The following MYO6 variants were observed in gnomAD, a reference collection of about 807,000 sequenced individuals.
MYO6 encodes myosin VI.
MYO6 carries 74 observed loss-of-function variants against 178.7 expected under a neutral mutation model. The observed-to-expected ratio is 0.41, with a 90% confidence interval of 0.34 to 0.50. The LOEUF (loss-of-function observed/expected upper bound fraction) is 0.50, where lower values mean the gene tolerates loss of function less well. Among genes scored for constraint, MYO6 ranks in the 20% least tolerant of loss-of-function variants. The probability of loss-of-function intolerance (pLI) is 0.09; values close to 1 mark genes in which losing one functional copy is unlikely to be tolerated. For synonymous variants in MYO6, 477 were observed against 504.6 expected (o/e 0.95, Z 0.73); for missense variants, 1,330 against 1,547.4 (o/e 0.86, Z 2.36).
intron 6 of MYO6, among the ~76,000 whole-genome samples, chr6:75,833,545 A>G (rs1304990210): frequency 6.6e-6 from 1 of 152,212 alleles, no homozygotes; most frequent in Admixed American, 6.5e-5. Context: ...TTCTCATGTA[A>G]GTGAAATTAC....
In MYO6 at chr6:75,892,613, G is replaced by A. The variant is rs764541449; in HGVS notation, c.3030G>A (p.Arg1010=). ...TTCTGGAGCAGGAGCGCAGGGACCG[G>A]GAGCTGGCCCTGAGGATTGCCCAGA... The part of the protein sequence containing the change: ...QAVLEQERRD[R]ELALRIAQSE... Residue 1010 remains arginine (R), a synonymous_variant, in exon 28 of 35, where the codon CGG becomes CGA. Coordinates refer to ENST00000369977, the MANE Select transcript of MYO6 (RefSeq NM_004999.4). 6 of 1,613,426 alleles carry A rather than the reference G, an allele frequency of 3.7e-6. No homozygotes were observed. The highest frequency in any genetic ancestry group is 5.1e-6 in the Non-Finnish European group (6 of 1,180,020).
At chr6:75,874,354 T>A (rs1344556583) in intron 20 of MYO6, among the ~76,000 whole-genome samples, 5 of 152,214 alleles carry the variant, frequency 3.3e-5, no homozygotes, top group African/African-American at 1.2e-4. Flanking sequence ...CGTCATTATC[T>A]TTAAAGGGCT....
intron 1 of MYO6, among the ~76,000 whole-genome samples, chr6:75,758,459 T>G (rs1453911700): frequency 6.6e-6 from 1 of 151,896 alleles, no homozygotes; most frequent in Non-Finnish European, 1.5e-5. Flanking sequence ...TGTTTCAGCT[T>G]TTTGTTTGTT....
At chr6:75,902,975 T>C (rs913356867) in intron 30 of MYO6, among the ~76,000 whole-genome samples, 2 of 151,584 alleles carry the variant, frequency 1.3e-5, no homozygotes, top group African/African-American at 2.4e-5. Context: ...GCCTTCATTT[T>C]GTTATGTACC....
At chr6:75,857,808 C>A (rs1775852678) in intron 13 of MYO6, among the ~76,000 whole-genome samples, 1 of 152,144 alleles carries the variant, frequency 6.6e-6, no homozygotes, top group Admixed American at 6.5e-5. Context: ...TGAAATGGGT[C>A]ACCAGCATGT....
At chr6:75,880,668 A>T (rs1777937953) in intron 22 of MYO6, among the ~76,000 whole-genome samples, 1 of 152,178 alleles carries the variant, frequency 6.6e-6, no homozygotes, top group East Asian at 1.9e-4. Context: ...TTCTTGTTTA[A>T]ACTCCTGAAA....
Position 75,872,060 on chromosome 6 carries a change from C to T in MYO6, c.1984-1147C>T, listed in dbSNP as rs142877422. On this transcript the variant is annotated intron_variant, in intron 19 of 34. Transcript: ENST00000369977. ...AGAAGAATCACTTGAACCCAGGAGG[C>T]GGAGGTTGCAGTGAGCCAAGATCAC... Among the ~76,000 whole-genome samples, 1,120 of 151,960 alleles carry T rather than the reference C, an allele frequency of 7.4e-3. 20 individuals are homozygous for T. Among genetic ancestry groups the T allele is most frequent in the African/African-American group, 0.026 (1,072 of 41,428 alleles).
At chr6:75,835,168 T>G (rs532971350) in intron 6 of MYO6, among the ~76,000 whole-genome samples, 1 of 152,328 alleles carries the variant, frequency 6.6e-6, no homozygotes, top group South Asian at 2.1e-4. Context: ...CACAAAAGGC[T>G]TTGACATCTC....
Position 75,848,386 on chromosome 6 carries a change from A to G in MYO6, c.933A>G (p.Leu311=), listed in dbSNP as rs140213501. ...CAGGTTCTATGAAAGATCCTCTGCT[A>G]GATGACCATGGTGATTTTATTAGAA... ...LKAGSMKDPL[L]DDHGDFIRMC... The change falls in exon 11 of 35, where the codon CTA becomes CTG. Residue 311 remains leucine (L), a synonymous_variant. Transcript: ENST00000369977. The G allele has an allele frequency of 8.7e-6, 14 of 1,613,820 alleles. No homozygotes were observed. The East Asian group carries it at 1.3e-4, about 15-fold the overall frequency.
chr6:75,855,215 T>A lies in MYO6; in HGVS notation c.1155T>A (p.Asp385Glu). 1 of 1,613,694 alleles carries A rather than the reference T, an allele frequency of 6.2e-7. No homozygotes were observed. Among genetic ancestry groups the A allele is most frequent in the Non-Finnish European group, 8.5e-7 (1 of 1,179,718 alleles). ...CAELLGLDQD[D>E]LRVSLTTRVM... ...AATTACTGGGTTTGGACCAAGATGA[T>A]CTTCGAGTAAGTTTGACCACAAGAG... The change falls in exon 12 of 35, where the codon GAT becomes GAA. Residue 385 changes from aspartate (D) to glutamate (E), a missense_variant. Transcript: ENST00000369977.
At chr6:75,870,079 A>ACT (rs1777016304) in intron 18 of MYO6, among the ~76,000 whole-genome samples, 1 of 151,786 alleles carries the variant, frequency 6.6e-6, no homozygotes, top group African/African-American at 2.4e-5. Context: ...ATGCCACTGC[A>ACT]CTCTAGCCTG....
chr6:75,840,578 T>A lies in MYO6; in HGVS notation c.554-7T>A, dbSNP rs752935397. 6.2e-7 allele frequency: 1 copy of A among 1,608,960 alleles called. No homozygotes were observed. The highest frequency in any genetic ancestry group is 2.2e-5 in the East Asian group (1 of 44,832). On this transcript the variant is annotated splice_region_variant and splice_polypyrimidine_tract_variant and intron_variant, in intron 7 of 34. Coordinates refer to ENST00000369977, the MANE Select transcript of MYO6 (RefSeq NM_004999.4). ...ATTTTTTGATGGATTTTTTTGTTTC[T>A]CAATAGCTAACCCACTCCTAGAAGC...
chr6:75,792,657 G>A (rs1326648841), intron 1 of MYO6, among the ~76,000 whole-genome samples: 1 of 152,032 alleles, frequency 6.6e-6, no homozygotes, highest in Non-Finnish European at 1.5e-5. Flanking sequence ...GGTATAATAT[G>A]TGAGGAATGA....
At chr6:75,781,544 G>A (rs2150053078) in intron 1 of MYO6, among the ~76,000 whole-genome samples, 1 of 152,180 alleles carries the variant, frequency 6.6e-6, no homozygotes, top group Non-Finnish European at 1.5e-5. Context: ...ATCTCTGCTG[G>A]GGATAACTCA....
At chr6:75,897,416 T>C (rs1383403338) in intron 29 of MYO6, among the ~76,000 whole-genome samples, 2 of 152,230 alleles carry the variant, frequency 1.3e-5, no homozygotes, top group Non-Finnish European at 2.9e-5. Flanking sequence ...AGATATCTTG[T>C]TCTCTGACTG....
chr6:75,804,985 A>G (rs1265817812), intron 1 of MYO6, among the ~76,000 whole-genome samples: 1 of 125,760 alleles, frequency 8.0e-6, no homozygotes, highest in Non-Finnish European at 1.6e-5. Flanking sequence ...ACACACACAT[A>G]TATATATACA....
chr6:75,911,806 T>C, intron 33 of MYO6, 108 bp downstream of exon 33: 1 of 1,057,586 alleles, frequency 9.5e-7, no homozygotes, highest in Non-Finnish European at 1.5e-6. Context: ...TCAGTGGAAT[T>C]GTAGTGTGTT....
At chr6:75,752,790 T>C (rs1470109345) in intron 1 of MYO6, among the ~76,000 whole-genome samples, 1 of 152,174 alleles carries the variant, frequency 6.6e-6, no homozygotes, top group Non-Finnish European at 1.5e-5. Context: ...TCTAGGACAT[T>C]ATATGTATTG....
At chr6:75,853,390 A>G (rs1447548780) in intron 11 of MYO6, among the ~76,000 whole-genome samples, 1 of 152,138 alleles carries the variant, frequency 6.6e-6, no homozygotes, top group Non-Finnish European at 1.5e-5. Context: ...TTGGTATTAT[A>G]TCAAAGACAT....
Sources: gnomAD v4.1 joint callset for allele counts (sites outside exome capture counted in the v4.1 genomes callset) on GRCh38, gnomAD v4.1.1 for gene constraint, MANE v1.5 for transcripts, NCBI Gene and HGNC (gene_info 2026-07-23, HGNC 2026-07-21) for gene names.